Variants in IQCH observed in about 807,000 individuals in gnomAD.
IQCH encodes IQ motif containing H, also known as IQ domain-containing protein H.
A neutral mutation model predicts 117.0 loss-of-function variants in IQCH; 98 were observed. The observed-to-expected ratio is 0.84, with a 90% CI of 0.71 to 0.99. IQCH has a LOEUF of 0.99. Among genes scored for constraint, IQCH ranks in the 50% least tolerant of loss-of-function variants. IQCH has a pLI of 0.00. For missense variants in IQCH, 1,102 were observed against 1,243.8 expected, an observed-to-expected ratio of 0.89 and a Z score of 1.72; for synonymous variants, 412 against 448.2, an observed-to-expected ratio of 0.92 and a Z score of 1.02.
At chr15:67,484,338 C>G (rs1176925232) in intron 18 of IQCH, among the ~76,000 whole-genome samples, 1 of 151,396 alleles carries the variant, frequency 6.6e-6, no homozygotes, top group Non-Finnish European at 1.5e-5. Context: ...CCTGGGAAGT[C>G]GAGGCTACAG....
chr15:67,331,827 C>T (rs1486894014), intron 4 of IQCH, among the ~76,000 whole-genome samples: 1 of 152,178 alleles, frequency 6.6e-6, no homozygotes, highest in Non-Finnish European at 1.5e-5. Flanking sequence ...ACCCACATTT[C>T]AGCCCTTAGG....
intron 5 of IQCH, among the ~76,000 whole-genome samples, chr15:67,340,452 A>AAAAAAAAAAAAAAAAAAAAC: frequency 8.6e-6 from 1 of 116,288 alleles, no homozygotes; most frequent in Non-Finnish European, 1.9e-5. Flanking sequence ...AAAAAAAAAA[A>AAAAAAAAAAAAAAAAAAAAC]AAAAAAAAAA....
Position 67,500,809 on chromosome 15 carries a change from T to C in IQCH, c.*63T>C, listed in dbSNP as rs535338409. ...TGGAATAAAAAGGGCAATTTTTTTT[T>C]CTGTTAGAAATAAAAGCCAGGGGAA... On this transcript the variant is annotated 3_prime_UTR_variant, in exon 21 of 21. Coordinates refer to ENST00000335894, the MANE Select transcript of IQCH (RefSeq NM_001031715.3). This position sits in a 1 kb window ranked among gnomAD's most constrained non-coding sequence, Gnocchi z 4.4. 1 of 805,894 alleles carries C rather than the reference T, an allele frequency of 1.2e-6. No homozygotes were observed. Among genetic ancestry groups the C allele is most frequent in the Non-Finnish European group, 1.9e-6 (1 of 513,310 alleles). 49.9% of individuals were successfully genotyped at this position (805,894 alleles called of 1,614,324 possible).
chr15:67,298,052 T>C (rs977848634), intron 4 of IQCH, among the ~76,000 whole-genome samples: 3 of 152,164 alleles, frequency 2.0e-5, no homozygotes, highest in Non-Finnish European at 4.4e-5. Flanking sequence ...CTCACACCTG[T>C]TATCCCAGCA....
chr15:67,289,564 G>C (rs756815536), intron 4 of IQCH, among the ~76,000 whole-genome samples: 32 of 152,128 alleles, frequency 2.1e-4, no homozygotes, highest in Non-Finnish European at 4.4e-5. Flanking sequence ...GATATGTTGA[G>C]GTGATGATTG....
rs185286206 is a variant in IQCH at position 67,343,023 on chromosome 15, G to A, written c.509-1040G>A. Among the ~76,000 whole-genome samples, 5 of 152,216 alleles carry A rather than the reference G, an allele frequency of 3.3e-5. 1 individual carries two copies. The South Asian group carries it at 1.0e-3, about 32-fold the overall frequency. On this transcript the variant is annotated intron_variant, in intron 5 of 20. Coordinates refer to ENST00000335894, the MANE Select transcript of IQCH (RefSeq NM_001031715.3). ...TCTTTGAAATCAGTGTTTTACAAGTGAACTATTTTTCAGCTCTCCAACCCT... is the reference window on the plus strand; with the variant it reads ...TCTTTGAAATCAGTGTTTTACAAGTAAACTATTTTTCAGCTCTCCAACCCT...
In IQCH at chr15:67,421,277, G is replaced by A; in HGVS notation, c.2219-14G>A. On this transcript the variant is annotated splice_polypyrimidine_tract_variant and intron_variant, in intron 15 of 20. Transcript: ENST00000335894. ...GCATGTGTCCTTTCACCTACTCCAT[G>A]TTTTTCCCACCAGGGGGTGTGATCG... 3.1e-6 allele frequency: 5 copies of A among 1,609,702 alleles called. No homozygotes were observed. Among genetic ancestry groups the A allele is most frequent in the Non-Finnish European group, 4.2e-6 (5 of 1,176,996 alleles).
At chr15:67,333,378 A>G (rs1035767247) in intron 4 of IQCH, among the ~76,000 whole-genome samples, 1 of 152,238 alleles carries the variant, frequency 6.6e-6, no homozygotes, top group African/African-American at 2.4e-5. Flanking sequence ...ATCATTTTTA[A>G]TTCAGAGAAA....
chr15:67,288,592 G>C (rs1966647620), intron 4 of IQCH, among the ~76,000 whole-genome samples: 1 of 151,950 alleles, frequency 6.6e-6, no homozygotes, highest in South Asian at 2.1e-4. Flanking sequence ...CATTTACATG[G>C]AATATCTTTT....
At chr15:67,402,677 G>GCAGGCTAA (rs1971713555) in intron 14 of IQCH, among the ~76,000 whole-genome samples, 1 of 152,146 alleles carries the variant, frequency 6.6e-6, no homozygotes, top group South Asian at 2.1e-4. Context: ...AGACTATCCT[G>GCAGGCTAA]CAGGCTAAGA....
In IQCH at chr15:67,389,896, G is replaced by A. The variant is rs961973841; in HGVS notation, c.1632+890G>A. Among the ~76,000 whole-genome samples the A allele has an allele frequency of 2.0e-5, 3 of 151,638 alleles. No individual in the cohort carries two copies. The South Asian group carries it at 6.2e-4, about 31-fold the overall frequency. Reference sequence around the variant, plus strand: ...ACCAAAAAAAAAAAAAAATGGGGGTGGGGGAGGGACCTAAGGAAAGGCCTG... The same window carrying A: ...ACCAAAAAAAAAAAAAAATGGGGGTAGGGGAGGGACCTAAGGAAAGGCCTG... On this transcript the variant is annotated intron_variant, in intron 12 of 20. Coordinates refer to ENST00000335894, the MANE Select transcript of IQCH (RefSeq NM_001031715.3).
chr15:67,459,330 T>C lies in IQCH; in HGVS notation c.2506-5797T>C, dbSNP rs2082733567. Among the ~76,000 whole-genome samples the C allele has an allele frequency of 1.3e-5, 2 of 152,220 alleles. No individual in the cohort carries two copies. Among genetic ancestry groups the C allele is most frequent in the Admixed American group, 1.3e-4 (2 of 15,286 alleles). On this transcript the variant is annotated intron_variant, in intron 16 of 20. Coordinates refer to ENST00000335894, the MANE Select transcript of IQCH (RefSeq NM_001031715.3). This position sits in a 1 kb window ranked among gnomAD's most constrained non-coding sequence, Gnocchi z 4.2. ...TCTATAAATTAGTCTCTGAGTCCCA[T>C]ACGTGCCCTGATGCCCATAGGAGAA... is the stretch of plus-strand genomic sequence containing the variant.
rs539399800 is a variant in IQCH, at chr15:67,450,207, C to G, written c.2506-14920C>G. ...ACTTCCTCTTTTCCTAATTGAATAC[C>G]CTTTATTTCCTTCTCCTGCCTGATT... On this transcript the variant is annotated intron_variant, in intron 16 of 20. Transcript: ENST00000335894. Among the ~76,000 whole-genome samples, 17 of 152,176 alleles carry G rather than the reference C, an allele frequency of 1.1e-4. No homozygotes were observed. The East Asian group carries it at 2.3e-3, about 21-fold the overall frequency.
Position 67,436,184 on chromosome 15 carries a change from C to T in IQCH, c.2505+14607C>T, listed in dbSNP as rs534701150. On this transcript the variant is annotated intron_variant, in intron 16 of 20. Transcript: ENST00000335894. This position sits in a 1 kb window ranked among gnomAD's most constrained non-coding sequence, Gnocchi z 5.1. Reference sequence around the variant, plus strand: ...TATTCAATAAATGTATTATCGAGACCCACTGAAGGAAGCCGACTGCTCCTG... The same window carrying T: ...TATTCAATAAATGTATTATCGAGACTCACTGAAGGAAGCCGACTGCTCCTG... 2.6e-5 allele frequency among the ~76,000 whole-genome samples: 4 copies of T among 152,094 alleles called. No homozygotes were observed. Among genetic ancestry groups the T allele is most frequent in the Non-Finnish European group, 5.9e-5 (4 of 68,000 alleles).
At chr15:67,273,409 G>A (rs1468434352) in intron 3 of IQCH, among the ~76,000 whole-genome samples, 1 of 152,026 alleles carries the variant, frequency 6.6e-6, no homozygotes, top group African/African-American at 2.4e-5. Context: ...TATTTCTAAT[G>A]TATCTGTTAT....
At position 67,457,667 on chromosome 15, in the gene IQCH, A is replaced by T. The variant is rs572068686; in HGVS notation, c.2506-7460A>T. On this transcript the variant is annotated intron_variant, in intron 16 of 20. Coordinates refer to ENST00000335894, the MANE Select transcript of IQCH (RefSeq NM_001031715.3). This position sits in a 1 kb window ranked among gnomAD's most constrained non-coding sequence, Gnocchi z 5.7. Reference sequence around the variant, plus strand: ...CTGAATCCACACATATCCCTCAGGGATAGATCCCATCAGGCCTATATTAAT... The same window carrying T: ...CTGAATCCACACATATCCCTCAGGGTTAGATCCCATCAGGCCTATATTAAT... Among the ~76,000 whole-genome samples the T allele has an allele frequency of 6.6e-6, 1 of 152,210 alleles. No homozygotes were observed. Among genetic ancestry groups the T allele is most frequent in the South Asian group, 2.1e-4 (1 of 4,820 alleles).
At chr15:67,317,224 T>A (rs1236293316) in intron 4 of IQCH, among the ~76,000 whole-genome samples, 2 of 152,172 alleles carry the variant, frequency 1.3e-5, no homozygotes, top group African/African-American at 4.8e-5. Flanking sequence ...TTTATTTTTA[T>A]TTTTTTGAGA....
chr15:67,345,721 A>G (rs1285406274), intron 6 of IQCH, among the ~76,000 whole-genome samples: 1 of 152,222 alleles, frequency 6.6e-6, no homozygotes, highest in Non-Finnish European at 1.5e-5. Flanking sequence ...GCCTAAGGAG[A>G]CATGATGACT....
At chr15:67,423,543 G>A (rs1404623609) in intron 16 of IQCH, among the ~76,000 whole-genome samples, 5 of 147,934 alleles carry the variant, frequency 3.4e-5, no homozygotes, top group African/African-American at 5.0e-5. Context: ...AGCCAGGATC[G>A]CATCACTGCA....
Sources: allele counts gnomAD v4.1 joint callset (sites outside exome capture counted in the v4.1 genomes callset), GRCh38; gene constraint gnomAD v4.1.1; non-coding constraint Gnocchi (gnomAD v3.1); transcripts MANE v1.5; gene names NCBI Gene and HGNC (gene_info 2026-07-23, HGNC 2026-07-21).